Variants in DPYSL2 observed in about 807,000 individuals in gnomAD.
DPYSL2 encodes the protein dihydropyrimidinase like 2.
A neutral mutation model predicts 69.9 loss-of-function variants in DPYSL2; 13 were observed. That is an observed-to-expected ratio of 0.19 (90% CI 0.12 to 0.30). The LOEUF (loss-of-function observed/expected upper bound fraction) is 0.30. DPYSL2 is among the 10% of genes least tolerant of loss of function. DPYSL2 has a pLI of 1.00. For synonymous variants in DPYSL2, 326 were observed against 359.1 expected (o/e 0.91, Z 1.04); for missense variants, 587 against 918.9 (o/e 0.64, Z 4.67).
chr8:26,538,653 C>T (rs1385905489), intron 1 of DPYSL2, among the ~76,000 whole-genome samples: 1 of 152,178 alleles, frequency 6.6e-6, no homozygotes, highest in East Asian at 1.9e-4. Context: ...TAAGAACCAC[C>T]ACTGTGTCCT....
chr8:26,514,728 GC>G lies in DPYSL2; in HGVS notation c.354+53del. 7.4e-7 allele frequency: 1 copy of G among 1,347,010 alleles called. No individual in the cohort carries two copies. Among genetic ancestry groups the G allele is most frequent in the Non-Finnish European group, 9.6e-7 (1 of 1,045,080 alleles). 83.4% of individuals were successfully genotyped at this position (1,347,010 alleles called of 1,614,324 possible). On this transcript the variant is annotated intron_variant, in intron 1 of 13. Coordinates refer to ENST00000521913, the MANE Select transcript of DPYSL2 (RefSeq NM_001197293.3). This position sits in a 1 kb window ranked among gnomAD's most constrained non-coding sequence, Gnocchi z 8.4. ...AGACGGAGGACGGGGCGCGGGGATC[GC>G]CCCTCCCTCGCCCCTGAGCCCGGCG...
At chr8:26,599,032 A>C (rs1161692735) in intron 3 of DPYSL2, among the ~76,000 whole-genome samples, 1 of 152,206 alleles carries the variant, frequency 6.6e-6, no homozygotes, top group Non-Finnish European at 1.5e-5. Context: ...AGAGCTGGAG[A>C]AGGCCTGTTG....
At chr8:26,651,200 G>A (rs1803274008) in intron 11 of DPYSL2, among the ~76,000 whole-genome samples, 1 of 152,176 alleles carries the variant, frequency 6.6e-6, no homozygotes, top group Non-Finnish European at 1.5e-5. Flanking sequence ...GACAGCCCTC[G>A]TGGTTGTTTT....
intron 1 of DPYSL2, among the ~76,000 whole-genome samples, chr8:26,542,691 G>A (rs1240577535): frequency 6.6e-6 from 1 of 152,122 alleles, no homozygotes; most frequent in Admixed American, 6.5e-5. Context: ...CTCATAAAGT[G>A]TTGGGATTAC....
At chr8:26,541,901 A>C (rs1800690442) in intron 1 of DPYSL2, among the ~76,000 whole-genome samples, 1 of 152,236 alleles carries the variant, frequency 6.6e-6, no homozygotes, top group Non-Finnish European at 1.5e-5. Context: ...AGACAAATAG[A>C]AAATAATTAA....
rs1166132294 is a variant in DPYSL2, at chr8:26,587,437, G to A, written c.628+3454G>A. Among the ~76,000 whole-genome samples, 1 of 152,112 alleles carries A rather than the reference G, an allele frequency of 6.6e-6. No individual in the cohort carries two copies. The highest frequency in any genetic ancestry group is 2.1e-4 in the South Asian group (1 of 4,830). The stretch of plus-strand genomic sequence containing the variant: ...ATGTCACCATGTCACCTGCCCTCAC[G>A]GGTAAATCCTCGCCTGCCTCCCTGC... On this transcript the variant is annotated intron_variant, in intron 3 of 13. Transcript: ENST00000521913. This position sits in a 1 kb window ranked among gnomAD's most constrained non-coding sequence, Gnocchi z 4.2.
At chr8:26,599,784 T>A (rs557317177) in intron 3 of DPYSL2, among the ~76,000 whole-genome samples, 45 of 152,272 alleles carry the variant, frequency 3.0e-4, no homozygotes, top group African/African-American at 1.1e-3. Context: ...ACCCTCAGAT[T>A]CACTCTCTGA....
At position 26,657,534 on chromosome 8, in the gene DPYSL2, T is replaced by TTTG. The variant is rs1279013113; in HGVS notation, c.*1840_*1842dup. 3 of 152,776 alleles carry TTTG rather than the reference T, an allele frequency of 2.0e-5. No individual in the cohort carries two copies. Among genetic ancestry groups the TTTG allele is most frequent in the East Asian group, 3.9e-4 (2 of 5,188 alleles). 9.5% of individuals were successfully genotyped at this position (152,776 alleles called of 1,614,324 possible). Reference sequence around the variant, plus strand: ...GGGATCTGGTTGGGGTTTTGGGTTTTTTGTTGTTGTTGTTTATTTGTTATT... The same window carrying TTTG: ...GGGATCTGGTTGGGGTTTTGGGTTTTTTGTTGTTGTTGTTGTTTATTTGTTATT... On this transcript the variant is annotated 3_prime_UTR_variant, in exon 14 of 14. Transcript: ENST00000521913.
rs895504957 is a variant in DPYSL2 at position 26,560,546 on chromosome 8, A to G, written c.355-21423A>G. Among the ~76,000 whole-genome samples the G allele has an allele frequency of 1.3e-5, 2 of 152,106 alleles. No individual in the cohort carries two copies. Among genetic ancestry groups the G allele is most frequent in the African/African-American group, 4.8e-5 (2 of 41,408 alleles). Reference sequence around the variant, plus strand: ...AGCCAGGCTCTGTGGGCTGCACCCCATGAGAAATTCTAGGTGAAGGATTTG... The same window carrying G: ...AGCCAGGCTCTGTGGGCTGCACCCCGTGAGAAATTCTAGGTGAAGGATTTG... On this transcript the variant is annotated intron_variant, in intron 1 of 13. Coordinates refer to ENST00000521913, the MANE Select transcript of DPYSL2 (RefSeq NM_001197293.3). This position sits in a 1 kb window ranked among gnomAD's most constrained non-coding sequence, Gnocchi z 4.4.
intron 8 of DPYSL2, among the ~76,000 whole-genome samples, chr8:26,638,334 A>T (rs755187300): frequency 1.3e-5 from 2 of 152,196 alleles, no homozygotes; most frequent in Non-Finnish European, 2.9e-5. Context: ...TTTGCTATAA[A>T]TGTGAGCTTT....
chr8:26,538,034 C>G (rs1037489925), intron 1 of DPYSL2, among the ~76,000 whole-genome samples: 1 of 152,198 alleles, frequency 6.6e-6, no homozygotes, highest in African/African-American at 2.4e-5. Context: ...ACATTTTTGT[C>G]ATGACTATAT....
chr8:26,556,341 A>ATATATATGGTATATATATAC (rs1800981915), intron 1 of DPYSL2, among the ~76,000 whole-genome samples: 23 of 9,154 alleles, frequency 2.5e-3, no homozygotes, highest in Non-Finnish European at 4.1e-3. Flanking sequence ...TATATATAGT[A>ATATATATGGTATATATATAC]TATATATATA....
In DPYSL2 at chr8:26,546,290, T is replaced by TA. The variant is rs1800765965; in HGVS notation, c.354+31612dup. Among the ~76,000 whole-genome samples, 6 of 152,364 alleles carry TA rather than the reference T, an allele frequency of 3.9e-5. No individual in the cohort carries two copies. The South Asian group carries it at 1.0e-3, about 26-fold the overall frequency. On this transcript the variant is annotated intron_variant, in intron 1 of 13. Coordinates refer to ENST00000521913, the MANE Select transcript of DPYSL2 (RefSeq NM_001197293.3). ...TGTGTTTTTAATTATAAATCCCACT[T>TA]ATTCATTGTTGCTATACAGGAAAGC...
chr8:26,548,003 C>T, intron 1 of DPYSL2: 1 of 263,860 alleles, frequency 3.8e-6, no homozygotes. Flanking sequence ...TTCCTGTTCC[C>T]CTGGATAAGA....
chr8:26,577,991 CCTTCT>C (rs1178667491), intron 1 of DPYSL2: 14 of 1,297,268 alleles, frequency 1.1e-5, no homozygotes, highest in Middle Eastern at 2.9e-4. Context: ...TTCTCTCTCT[CCTTCT>C]CTCTCTCTCT....
chr8:26,608,718 T>C, intron 3 of DPYSL2, among the ~76,000 whole-genome samples: 1 of 152,216 alleles, frequency 6.6e-6, no homozygotes, highest in East Asian at 1.9e-4. Context: ...CATTGAACCA[T>C]TAGCCCTCAG....
chr8:26,557,541 G>C (rs1339010006), intron 1 of DPYSL2, among the ~76,000 whole-genome samples: 1 of 149,372 alleles, frequency 6.7e-6, no homozygotes, highest in East Asian at 2.0e-4. Context: ...AACTTTGGGA[G>C]CCGAGCTAGG....
chr8:26,566,297 G>A (rs1372340016), intron 1 of DPYSL2, among the ~76,000 whole-genome samples: 2 of 152,166 alleles, frequency 1.3e-5, no homozygotes, highest in Admixed American at 1.3e-4. Flanking sequence ...CTCTTGGAAG[G>A]GGCCTGGGCT....
chr8:26,541,109 GT>G (rs1800677503), intron 1 of DPYSL2, among the ~76,000 whole-genome samples: 1 of 152,108 alleles, frequency 6.6e-6, no homozygotes. Flanking sequence ...TTTTATTCAA[GT>G]TGTCGAAAGT....
Sources: allele counts gnomAD v4.1 joint callset (sites outside exome capture counted in the v4.1 genomes callset), GRCh38; gene constraint gnomAD v4.1.1; non-coding constraint Gnocchi (gnomAD v3.1); transcripts MANE v1.5; gene names NCBI Gene and HGNC (gene_info 2026-07-23, HGNC 2026-07-21).